Variants in RNF216 observed in about 807,000 individuals in gnomAD.
RNF216 encodes E3 ubiquitin-protein ligase RNF216.
A neutral mutation model predicts 110.8 loss-of-function variants in RNF216; 72 were observed. That is an observed-to-expected ratio of 0.65 (90% CI 0.54 to 0.79). RNF216 has a LOEUF of 0.79. Ranked by LOEUF, RNF216 falls within the 30% of genes least tolerant of loss-of-function variation. The pLI is 0.00. For synonymous variants in RNF216, 495 were observed against 407.5 expected, an observed-to-expected ratio of 1.21 and a Z score of -2.59; for missense variants, 1,342 against 1,141.2, an observed-to-expected ratio of 1.18 and a Z score of -2.54.
intron 11 of RNF216, among the ~76,000 whole-genome samples, chr7:5,714,246 C>G (rs1187859131): frequency 6.6e-6 from 1 of 151,948 alleles, no homozygotes; most frequent in Non-Finnish European, 1.5e-5. Context: ...CAGGCATAAG[C>G]CACAGCGCCT....
At chr7:5,760,852 G>T in intron 2 of RNF216, 151 bp downstream of exon 2, 1 of 648,654 alleles carries the variant, frequency 1.5e-6, no homozygotes, top group Non-Finnish European at 2.7e-6. Context: ...ATCATTATCT[G>T]ATATAATTCT....
chr7:5,624,776 G>A lies in RNF216; in HGVS notation c.2383-651C>T, dbSNP rs1049415929. On this transcript the variant is annotated intron_variant, in intron 15 of 16. Transcript: ENST00000389902. This position sits in a 1 kb window ranked among gnomAD's most constrained non-coding sequence, Gnocchi z 4.4. ...GTTATCCAAGCCTCAGACACGAACCGAAGAGGCACTGTGAGTGCAGGCAGA... is the reference window on the plus strand; with the variant it reads ...GTTATCCAAGCCTCAGACACGAACCAAAGAGGCACTGTGAGTGCAGGCAGA... Among the ~76,000 whole-genome samples the A allele has an allele frequency of 6.6e-6, 1 of 152,218 alleles. No individual in the cohort carries two copies. Among genetic ancestry groups the A allele is most frequent in the Non-Finnish European group, 1.5e-5 (1 of 68,044 alleles).
rs1445240917 is a variant in RNF216, at chr7:5,652,472, A to G, written c.2100T>C (p.His700=). ...CCAGCTCTTCACAGGTGAGGCCATT[A>G]TGTTCTTTCCAGAGTCCCTGACACT... ...CRKCQGLWKE[H]NGLTCEELAE... Residue 700 remains histidine, a synonymous_variant, in exon 14 of 17, where the codon CAT becomes CAC. Transcript: ENST00000389902. 1.2e-5 allele frequency: 20 copies of G among 1,613,840 alleles called. No individual in the cohort carries two copies. The highest frequency in any genetic ancestry group is 1.6e-5 in the Non-Finnish European group (19 of 1,179,884).
intron 13 of RNF216, among the ~76,000 whole-genome samples, chr7:5,685,941 G>A (rs1790952335): frequency 6.6e-6 from 1 of 152,034 alleles, no homozygotes; most frequent in African/African-American, 2.4e-5. Flanking sequence ...AAAAAATTCC[G>A]GCCGGGCGCG....
intron 13 of RNF216, among the ~76,000 whole-genome samples, chr7:5,653,600 CAAAAAA>C (rs34530431): frequency 0.012 from 626 of 50,474 alleles, 3 homozygotes; most frequent in African/African-American, 0.051. Flanking sequence ...GACTCTGTCT[CAAAAAA>C]AAAAAAAAAA....
At chr7:5,712,458 G>A (rs1272466797) in intron 12 of RNF216, among the ~76,000 whole-genome samples, 1 of 151,092 alleles carries the variant, frequency 6.6e-6, no homozygotes, top group African/African-American at 2.4e-5. Context: ...GGGCGACAGA[G>A]CGAGAATCCA....
intron 9 of RNF216, among the ~76,000 whole-genome samples, chr7:5,717,908 G>A (rs1395179031): frequency 6.6e-6 from 1 of 151,946 alleles, no homozygotes; most frequent in Admixed American, 6.6e-5. Flanking sequence ...TCAGCTTCCC[G>A]AGTAGCTGGG....
At chr7:5,625,067 T>TGC (rs776545880) in intron 15 of RNF216, among the ~76,000 whole-genome samples, 3 of 152,332 alleles carry the variant, frequency 2.0e-5, no homozygotes, top group Non-Finnish European at 4.4e-5. Flanking sequence ...GCCAAGTGGG[T>TGC]GCCCATCTTT....
intron 13 of RNF216, among the ~76,000 whole-genome samples, chr7:5,710,470 T>C (rs1458229309): frequency 2.0e-5 from 3 of 152,216 alleles, no homozygotes; most frequent in Non-Finnish European, 4.4e-5. Flanking sequence ...AGACCTTCTT[T>C]GAAACCTTAC....
chr7:5,683,148 A>G (rs1246134898), intron 13 of RNF216, among the ~76,000 whole-genome samples: 1 of 152,108 alleles, frequency 6.6e-6, no homozygotes, highest in African/African-American at 2.4e-5. Context: ...ACAAACAAAA[A>G]ACAGACACCA....
At chr7:5,774,723 G>GT (rs1280229269) in intron 1 of RNF216, among the ~76,000 whole-genome samples, 2 of 116,498 alleles carry the variant, frequency 1.7e-5, no homozygotes, top group East Asian at 9.5e-4. Context: ...TACAGTTCAA[G>GT]GGGGGAAAAA....
chr7:5,662,077 G>C (rs1789182211), intron 13 of RNF216, among the ~76,000 whole-genome samples: 1 of 152,230 alleles, frequency 6.6e-6, no homozygotes, highest in African/African-American at 2.4e-5. Context: ...ATCTGGGTGT[G>C]AGCATCAGGG....
At chr7:5,729,326 G>T in intron 7 of RNF216, 106 bp downstream of exon 7, 3 of 1,053,702 alleles carry the variant, frequency 2.8e-6, no homozygotes, top group Non-Finnish European at 2.8e-6. Context: ...AAATTCCTTA[G>T]CAATCATAAA....
At chr7:5,659,623 G>A (rs1788973455) in intron 13 of RNF216, among the ~76,000 whole-genome samples, 1 of 152,208 alleles carries the variant, frequency 6.6e-6, no homozygotes, top group South Asian at 2.1e-4. Context: ...CTGTTAAAGG[G>A]ATGGTTTGCT....
At chr7:5,660,265 C>CTTTT (rs66617363) in intron 13 of RNF216, among the ~76,000 whole-genome samples, 10 of 33,644 alleles carry the variant, frequency 3.0e-4, no homozygotes, top group East Asian at 8.7e-4. Flanking sequence ...GTTTTAAATT[C>CTTTT]TTTTTTTTTT....
chr7:5,701,482 C>G (rs1791967053), intron 13 of RNF216, among the ~76,000 whole-genome samples: 1 of 152,192 alleles, frequency 6.6e-6, no homozygotes, highest in African/African-American at 2.4e-5. Context: ...TACTTCGTGA[C>G]ACAAAGTGCC....
rs919829598 is a variant in RNF216, at chr7:5,621,953, G to A, written c.*907C>T. On this transcript the variant is annotated 3_prime_UTR_variant, in exon 17 of 17. Coordinates refer to ENST00000389902, the MANE Select transcript of RNF216 (RefSeq NM_207111.4). The stretch of plus-strand genomic sequence containing the variant: ...CTGAGAACACCCGGGGCACACACGG[G>A]GCAGGGGTGGCACCCAGGGTCACCT... The A allele has an allele frequency of 1.3e-5, 2 of 152,352 alleles. No individual in the cohort carries two copies. Among genetic ancestry groups the A allele is most frequent in the Non-Finnish European group, 2.9e-5 (2 of 68,332 alleles). The allele number at this position is 152,352 out of a possible 1,614,324, so 9.4% of individuals were successfully genotyped here.
rs568809124 is a variant in RNF216, at chr7:5,720,554, C to T, written c.1644+479G>A. On this transcript the variant is annotated intron_variant, in intron 9 of 16. Coordinates refer to ENST00000389902, the MANE Select transcript of RNF216 (RefSeq NM_207111.4). Reference sequence around the variant, plus strand: ...ACTTTCAGCTGCACAGGGGGAAGCACTCCTAACTTTCATGTTGTTCAAGGG... The same window carrying T: ...ACTTTCAGCTGCACAGGGGGAAGCATTCCTAACTTTCATGTTGTTCAAGGG... Among the ~76,000 whole-genome samples the T allele has an allele frequency of 6.6e-5, 10 of 152,224 alleles. No individual in the cohort carries two copies. The South Asian group carries it at 2.1e-3, about 32-fold the overall frequency.
At chr7:5,682,307 C>T (rs911432289) in intron 13 of RNF216, among the ~76,000 whole-genome samples, 1 of 152,162 alleles carries the variant, frequency 6.6e-6, no homozygotes, top group African/African-American at 2.4e-5. Flanking sequence ...TACCCTCACA[C>T]CCGTCCCTCT....
Sources: gnomAD v4.1 joint callset for allele counts (sites outside exome capture counted in the v4.1 genomes callset) on GRCh38, gnomAD v4.1.1 for gene constraint, Gnocchi (gnomAD v3.1) non-coding constraint, MANE v1.5 for transcripts, NCBI Gene and HGNC (gene_info 2026-07-23, HGNC 2026-07-21) for gene names.